The following XKR4 variants were observed in gnomAD, a reference collection of about 807,000 sequenced individuals.
XKR4 encodes XK-related protein 4.
XKR4 carries 12 observed loss-of-function variants against 53.9 expected under a neutral mutation model. The ratio of observed to expected loss-of-function variants is 0.22; its 90% CI spans 0.14 to 0.36. The LOEUF (loss-of-function observed/expected upper bound fraction) is 0.36, where lower values mean the gene tolerates loss of function less well. Ranked by LOEUF, XKR4 falls within the 10% of genes least tolerant of loss-of-function variation. XKR4 has a pLI of 1.00. For missense variants in XKR4, 799 were observed against 859.5 expected, an observed-to-expected ratio of 0.93 and a Z score of 0.88; for synonymous variants, 354 against 362.4, an observed-to-expected ratio of 0.98 and a Z score of 0.26.
At chr8:55,485,472 A>T (rs1806177928) in intron 2 of XKR4, among the ~76,000 whole-genome samples, 1 of 152,252 alleles carries the variant, frequency 6.6e-6, no homozygotes, top group Admixed American at 6.5e-5. Context: ...ATCAATAAAC[A>T]TATGGACTCT....
At chr8:55,390,268 G>A (rs1804426416) in intron 2 of XKR4, among the ~76,000 whole-genome samples, 1 of 152,142 alleles carries the variant, frequency 6.6e-6, no homozygotes. Context: ...GAGGAAGTTA[G>A]GTTAATGGTA....
chr8:55,204,999 C>T (rs6986837), intron 1 of XKR4, among the ~76,000 whole-genome samples: 2,384 of 152,226 alleles, frequency 0.016, 55 homozygotes, highest in African/African-American at 0.053. Context: ...ATGTGTCAGG[C>T]GTAATTCGTG....
In XKR4 at chr8:55,539,319, A is replaced by G. The variant is rs1177218700; in HGVS notation, c.*15092A>G. The G allele has an allele frequency of 6.6e-6, 1 of 152,234 alleles. No individual in the cohort carries two copies. Among genetic ancestry groups the G allele is most frequent in the Non-Finnish European group, 1.5e-5 (1 of 68,040 alleles). The allele number at this position is 152,234 out of a possible 1,614,324, so 9.4% of individuals were successfully genotyped here. On this transcript the variant is annotated 3_prime_UTR_variant, in exon 3 of 3. Transcript: ENST00000327381. ...ATCATTGTGCCCTTATTTAAGGATT[A>G]TATTCCATTGTGAAAAAAATGTGCA...
Position 55,454,609 on chromosome 8 carries a change from A to G in XKR4, c.1007-68672A>G, listed in dbSNP as rs529946596. ...CTGCCGGTCACCAGCCCCCAAATAA[A>G]TCGTCCTCTACTAGCCCCCAGCCAG... On this transcript the variant is annotated intron_variant, in intron 2 of 2. Coordinates refer to ENST00000327381, the MANE Select transcript of XKR4 (RefSeq NM_052898.2). 5.3e-6 allele frequency: 7 copies of G among 1,326,010 alleles called. No individual in the cohort carries two copies. The East Asian group carries it at 1.7e-4, about 32-fold the overall frequency. 82.1% of individuals were successfully genotyped at this position (1,326,010 alleles called of 1,614,324 possible).
intron 2 of XKR4, among the ~76,000 whole-genome samples, chr8:55,411,799 T>C (rs996519968): frequency 2.0e-5 from 3 of 152,186 alleles, no homozygotes; most frequent in African/African-American, 7.2e-5. Flanking sequence ...TCACTCTCAG[T>C]GGGCGCCTGA....
At chr8:55,390,666 C>G (rs147967341) in intron 2 of XKR4, among the ~76,000 whole-genome samples, 1 of 152,290 alleles carries the variant, frequency 6.6e-6, no homozygotes, top group African/African-American at 2.4e-5. Context: ...TTCTCACATA[C>G]TGATTATAAA....
At chr8:55,322,428 C>A (rs1238355881) in intron 1 of XKR4, among the ~76,000 whole-genome samples, 1 of 152,132 alleles carries the variant, frequency 6.6e-6, no homozygotes, top group Non-Finnish European at 1.5e-5. Flanking sequence ...GTAAAAACAG[C>A]AACTATGAAC....
At chr8:55,350,161 C>T (rs1803705575) in intron 1 of XKR4, among the ~76,000 whole-genome samples, 1 of 152,292 alleles carries the variant, frequency 6.6e-6, no homozygotes, top group East Asian at 1.9e-4. Flanking sequence ...TGGGTTTTAA[C>T]CATTTTTTGT....
chr8:55,443,275 A>G (rs1333056377), intron 2 of XKR4, among the ~76,000 whole-genome samples: 1 of 152,082 alleles, frequency 6.6e-6, no homozygotes, highest in Non-Finnish European at 1.5e-5. Context: ...GCCAAAGGCC[A>G]GTATCAGGTT....
rs151036337 is a variant in XKR4, at chr8:55,286,024, A to G, written c.807-71654A>G. ...CATCAATTTCTCACCTACTGTGTGT[A>G]TAAGTCTATCTGCCGAGCTGCACAG... On this transcript the variant is annotated intron_variant, in intron 1 of 2. Coordinates refer to ENST00000327381, the MANE Select transcript of XKR4 (RefSeq NM_052898.2). Among the ~76,000 whole-genome samples, 197 of 152,356 alleles carry G rather than the reference A, an allele frequency of 1.3e-3. 1 individual carries two copies. The highest frequency in any genetic ancestry group is 4.2e-3 in the African/African-American group (176 of 41,578).
intron 2 of XKR4, among the ~76,000 whole-genome samples, chr8:55,406,417 T>C (rs1804682950): frequency 6.6e-6 from 1 of 152,152 alleles, no homozygotes; most frequent in South Asian, 2.1e-4. Context: ...GCTGTCACCA[T>C]CTCATTGCAC....
chr8:55,500,983 A>C (rs953895976), intron 2 of XKR4, among the ~76,000 whole-genome samples: 6 of 152,162 alleles, frequency 3.9e-5, no homozygotes, highest in Non-Finnish European at 7.3e-5. Context: ...GAAACAGGAG[A>C]GATGCAAGAT....
intron 2 of XKR4, chr8:55,452,197 C>T: frequency 1.4e-6 from 1 of 704,910 alleles, no homozygotes. Flanking sequence ...CCCACCTCCT[C>T]ATCAAAGGCC....
chr8:55,282,742 G>T (rs1435881325), intron 1 of XKR4, among the ~76,000 whole-genome samples: 2 of 152,176 alleles, frequency 1.3e-5, no homozygotes, highest in Non-Finnish European at 2.9e-5. Flanking sequence ...TATATTGAGT[G>T]ACATTGGTAT....
chr8:55,432,765 C>CA (rs143147238), intron 2 of XKR4, among the ~76,000 whole-genome samples: 3 of 151,892 alleles, frequency 2.0e-5, no homozygotes, highest in Admixed American at 6.6e-5. Flanking sequence ...AACTTTTTCC[C>CA]AAAAAAGTCT....
intron 1 of XKR4, among the ~76,000 whole-genome samples, chr8:55,221,173 G>C (rs1465316323): frequency 6.6e-6 from 1 of 152,228 alleles, no homozygotes; most frequent in Non-Finnish European, 1.5e-5. Flanking sequence ...CCTTCTGGAA[G>C]AGTCTTCTAG....
chr8:55,349,996 A>T (rs1388196944), intron 1 of XKR4, among the ~76,000 whole-genome samples: 1 of 152,140 alleles, frequency 6.6e-6, no homozygotes, highest in Admixed American at 6.5e-5. Flanking sequence ...AATGTCCTAA[A>T]TTTTATTCTG....
intron 2 of XKR4, among the ~76,000 whole-genome samples, chr8:55,433,320 G>A (rs1043307734): frequency 6.6e-6 from 1 of 152,162 alleles, no homozygotes; most frequent in Non-Finnish European, 1.5e-5. Context: ...GTAATAGTGA[G>A]CCTATACAGA....
At chr8:55,451,485 G>A (rs1314144922) in intron 2 of XKR4, 8 of 1,163,718 alleles carry the variant, frequency 6.9e-6, no homozygotes, top group Non-Finnish European at 1.0e-5. Context: ...AGTCTGCCTG[G>A]AACTGGCCTG....
Sources: allele counts gnomAD v4.1 joint callset (sites outside exome capture counted in the v4.1 genomes callset), GRCh38; gene constraint gnomAD v4.1.1; transcripts MANE v1.5; gene names NCBI Gene and HGNC (gene_info 2026-07-23, HGNC 2026-07-21).